CMSS1: variants seen among roughly 807,000 people sequenced by gnomAD.
The protein encoded by CMSS1 is cms1 ribosomal small subunit homolog, also known as protein CMSS1.
Under a neutral mutation model 43.5 loss-of-function variants are expected in CMSS1, and 33 were observed. That is an observed-to-expected ratio of 0.76 (90% CI 0.57 to 1.01). The LOEUF is 1.01. Among genes scored for constraint, CMSS1 ranks in the 50% least tolerant of loss-of-function variants. CMSS1 has a pLI of 0.00. For missense variants in CMSS1, 313 were observed against 326.4 expected, an observed-to-expected ratio of 0.96 and a Z score of 0.32; for synonymous variants, 115 against 117.2, an observed-to-expected ratio of 0.98 and a Z score of 0.12.
At chr3:100,016,357 A>G (rs1710339716) in intron 1 of CMSS1, among the ~76,000 whole-genome samples, 2 of 152,050 alleles carry the variant, frequency 1.3e-5, no homozygotes, top group South Asian at 4.1e-4. Flanking sequence ...ACACACAGCT[A>G]ATTTTGTATC....
intron 1 of CMSS1, among the ~76,000 whole-genome samples, chr3:99,928,425 G>A (rs1707365294): frequency 6.6e-6 from 1 of 152,150 alleles, no homozygotes; most frequent in African/African-American, 2.4e-5. Context: ...GAATGTGAGA[G>A]GTGTATGTAT....
chr3:99,889,296 G>A (rs1471833260), intron 1 of CMSS1, among the ~76,000 whole-genome samples: 1 of 152,040 alleles, frequency 6.6e-6, no homozygotes, highest in Non-Finnish European at 1.5e-5. Flanking sequence ...AATTCAAACT[G>A]TTCCTAGGAA....
At chr3:100,172,034 G>GT (rs142249937) in intron 7 of CMSS1, 135 bp downstream of exon 7, 1 of 741,292 alleles carries the variant, frequency 1.3e-6, no homozygotes. Flanking sequence ...AACTTTTCTG[G>GT]TTTTTTAAAT....
In CMSS1 at chr3:99,931,009, T is replaced by A. The variant is rs773815086; in HGVS notation, c.64+112966T>A. On this transcript the variant is annotated intron_variant, in intron 1 of 9. Transcript: ENST00000421999. Reference sequence around the variant, plus strand: ...GGGCTGAGCCCTCGGTATCACTGCCTCTGGAACGCATTCTTTAAAGCCTGG... The same window carrying A: ...GGGCTGAGCCCTCGGTATCACTGCCACTGGAACGCATTCTTTAAAGCCTGG... 46 of 1,613,528 alleles carry A rather than the reference T, an allele frequency of 2.9e-5. No homozygotes were observed. The African/African-American group carries it at 5.1e-4, about 18-fold the overall frequency.
intron 1 of CMSS1, among the ~76,000 whole-genome samples, chr3:100,135,351 G>T (rs1393588357): frequency 1.3e-5 from 2 of 152,048 alleles, no homozygotes; most frequent in Non-Finnish European, 2.9e-5. Context: ...AGGATTGGGA[G>T]CTTTAACATT....
chr3:99,857,419 C>T (rs1443724845), intron 1 of CMSS1, among the ~76,000 whole-genome samples: 1 of 152,198 alleles, frequency 6.6e-6, no homozygotes, highest in Non-Finnish European at 1.5e-5. Context: ...GGTAAACGTC[C>T]ACATCCTAGC....
chr3:99,962,351 T>G (rs1708518434), intron 1 of CMSS1, among the ~76,000 whole-genome samples: 3 of 152,192 alleles, frequency 2.0e-5, no homozygotes, highest in African/African-American at 7.2e-5. Flanking sequence ...GAAGGATATT[T>G]ATTGTTCTCT....
rs192840357 is a variant in CMSS1 at position 99,936,245 on chromosome 3, A to G, written c.64+118202A>G. On this transcript the variant is annotated intron_variant, in intron 1 of 9. Transcript: ENST00000421999. The stretch of plus-strand genomic sequence containing the variant: ...AAGCAAAACTACTCCAATTTAGAGA[A>G]AGAAAATAATAGTAATAATGGTAGC... 1.5e-3 allele frequency among the ~76,000 whole-genome samples: 226 copies of G among 152,134 alleles called. 2 individuals are homozygous for G. Among genetic ancestry groups the G allele is most frequent in the Middle Eastern group, 6.8e-3 (2 of 294 alleles).
At chr3:100,083,097 A>G (rs1279322503) in intron 1 of CMSS1, among the ~76,000 whole-genome samples, 1 of 152,198 alleles carries the variant, frequency 6.6e-6, no homozygotes, top group East Asian at 1.9e-4. Flanking sequence ...AAAATCATGT[A>G]TGGATTTTAT....
rs1475491023 is a variant in CMSS1, at chr3:100,147,182, C to G, written c.153+121C>G. On this transcript the variant is annotated intron_variant, in intron 2 of 9. Coordinates refer to ENST00000421999, the MANE Select transcript of CMSS1 (RefSeq NM_032359.4). ...TGGTGGGATTTAAGAGAGCCTTTTA[C>G]TTTCTTTCCCTTTGAAAAGGCCATG... 1.5e-5 allele frequency: 15 copies of G among 1,023,066 alleles called. No homozygotes were observed. The East Asian group carries it at 4.3e-4, about 30-fold the overall frequency. The allele number at this position is 1,023,066 out of a possible 1,614,324, so 63.4% of individuals were successfully genotyped here.
chr3:99,984,060 T>TGTGTGTGTGTGTGTG (rs1559714079), intron 1 of CMSS1, among the ~76,000 whole-genome samples: 2 of 24,978 alleles, frequency 8.0e-5, no homozygotes, highest in South Asian at 1.4e-3. Context: ...GTATGTGTGT[T>TGTGTGTGTGTGTGTG]TGTGTGTGTG....
chr3:99,855,416 G>A (rs1490113073), intron 1 of CMSS1, among the ~76,000 whole-genome samples: 1 of 152,158 alleles, frequency 6.6e-6, no homozygotes, highest in Non-Finnish European at 1.5e-5. Flanking sequence ...TTTACTTAGT[G>A]CCAGTGATGT....
At position 99,818,047 on chromosome 3, in the gene CMSS1, C is replaced by T; in HGVS notation, c.64+4C>T. On this transcript the variant is annotated splice_donor_region_variant and intron_variant, in intron 1 of 9. Transcript: ENST00000421999. ...ACTGGAGCAGGCAGCAGCCCAGGTA[C>T]CCACTCTGTGCCCGCGCTCCTACGG... The T allele has an allele frequency of 6.2e-7, 1 of 1,613,320 alleles. No homozygotes were observed. The highest frequency in any genetic ancestry group is 1.1e-5 in the South Asian group (1 of 91,064).
intron 1 of CMSS1, among the ~76,000 whole-genome samples, chr3:99,866,384 G>C (rs1463616191): frequency 2.6e-5 from 4 of 152,118 alleles, no homozygotes; most frequent in Non-Finnish European, 5.9e-5. Context: ...TAACTTGTTA[G>C]TGGGAAATTC....
chr3:99,817,884 T>C lies in CMSS1; in HGVS notation c.-96T>C. 7.7e-7 allele frequency: 1 copy of C among 1,300,040 alleles called. No homozygotes were observed. Among genetic ancestry groups the C allele is most frequent in the Middle Eastern group, 1.8e-4 (1 of 5,468 alleles). 80.5% of individuals were successfully genotyped at this position (1,300,040 alleles called of 1,614,324 possible). ...GACAGTGTCTAGCGGGAGCTCCGCG[T>C]GTAGCTACGCCGGCCGCCTGGCTTT... On this transcript the variant is annotated 5_prime_UTR_variant, in exon 1 of 10. Transcript: ENST00000421999.
intron 6 of CMSS1, among the ~76,000 whole-genome samples, chr3:100,168,548 G>T (rs948641966): frequency 2.3e-4 from 35 of 151,930 alleles, no homozygotes; most frequent in African/African-American, 8.2e-4. Context: ...AGAAAAGATA[G>T]AATACCATGG....
intron 1 of CMSS1, among the ~76,000 whole-genome samples, chr3:100,144,647 A>G (rs2066832751): frequency 3.9e-5 from 6 of 152,178 alleles, no homozygotes; most frequent in Admixed American, 3.9e-4. Context: ...ATGAGGTCAT[A>G]GTTTTTTCTG....
chr3:100,163,246 T>G (rs761974224), intron 4 of CMSS1, among the ~76,000 whole-genome samples: 1 of 152,192 alleles, frequency 6.6e-6, no homozygotes, highest in African/African-American at 2.4e-5. Context: ...AAACACTGAT[T>G]TACTCAACTA....
intron 6 of CMSS1, among the ~76,000 whole-genome samples, chr3:100,171,071 ACTCT>A (rs1166125599): frequency 6.6e-6 from 1 of 151,932 alleles, no homozygotes; most frequent in Non-Finnish European, 1.5e-5. Context: ...GGGGGGCATC[ACTCT>A]CAAGTGCCCC....
Sources: allele counts gnomAD v4.1 joint callset (sites outside exome capture counted in the v4.1 genomes callset), GRCh38; gene constraint gnomAD v4.1.1; transcripts MANE v1.5; gene names NCBI Gene and HGNC (gene_info 2026-07-23, HGNC 2026-07-21).